The following INTU variants were observed in gnomAD, a reference collection of about 807,000 sequenced individuals.
INTU encodes inturned planar cell polarity protein.
INTU carries 68 observed loss-of-function variants against 100.5 expected under a neutral mutation model. The ratio of observed to expected loss-of-function variants is 0.68; its 90% CI spans 0.56 to 0.83. The LOEUF (loss-of-function observed/expected upper bound fraction) is 0.83. Ranked by LOEUF, INTU falls within the 40% of genes least tolerant of loss-of-function variation. The pLI is 0.00. For synonymous variants in INTU, 357 were observed against 395.7 expected (o/e 0.90, Z 1.16); for missense variants, 1,071 against 1,114.7 (o/e 0.96, Z 0.56).
Position 127,716,338 on chromosome 4 carries a change from C to A in INTU, c.2731C>A (p.His911Asn). 6.4e-7 allele frequency: 1 copy of A among 1,551,950 alleles called. No individual in the cohort carries two copies. Residue 911 changes from histidine (H) to asparagine (N), a missense_variant, in exon 16 of 16, where the codon CAT (histidine) becomes AAT (asparagine). His to Asn is a moderately conservative substitution (Grantham distance 68, BLOSUM62 1). Coordinates refer to ENST00000335251, the MANE Select transcript of INTU (RefSeq NM_015693.4). ...TTTCTTCTGCAGGAGACTTTTTCTT[C>A]ATCCAAAACCTCAAGAACTTTATGT... ...AYWVVGRLFLHPKPQELYVCF... is the reference protein window; with the variant it reads ...AYWVVGRLFLNPKPQELYVCF...
intron 8 of INTU, among the ~76,000 whole-genome samples, chr4:127,688,432 A>G (rs1729934199): frequency 1.3e-5 from 2 of 152,224 alleles, no homozygotes; most frequent in African/African-American, 4.8e-5. Context: ...AATGATTGAC[A>G]AGATTATTTC....
chr4:127,669,192 A>T (rs1728817852), intron 5 of INTU, 38 bp downstream of exon 5: 2 of 986,418 alleles, frequency 2.0e-6, no homozygotes, highest in African/African-American at 3.3e-5. Flanking sequence ...TGTTTTTTTC[A>T]AGTTCTTTTA....
chr4:127,668,234 C>T (rs945639809), intron 4 of INTU, among the ~76,000 whole-genome samples: 2 of 151,926 alleles, frequency 1.3e-5, no homozygotes, highest in Non-Finnish European at 2.9e-5. Flanking sequence ...AAAGTATTAG[C>T]ACAGCGCACA....
chr4:127,663,505 T>A lies in INTU; in HGVS notation c.893T>A (p.Ile298Asn). The change falls in exon 4 of 16, where the codon ATC becomes AAC. Residue 298 changes from isoleucine to asparagine, a missense_variant. Coordinates refer to ENST00000335251, the MANE Select transcript of INTU (RefSeq NM_015693.4). ...CTCTGGGGAGAAGAGGTTGAAGGTATCCAGCAGAGTGGCCTAAACACTCCT... is the reference window on the plus strand; with the variant it reads ...CTCTGGGGAGAAGAGGTTGAAGGTAACCAGCAGAGTGGCCTAAACACTCCT... Reference protein sequence around the residue: ...KLLWGEEVEGIQQSGLNTPHI... With the variant: ...KLLWGEEVEGNQQSGLNTPHI... 1 of 1,613,552 alleles carries A rather than the reference T, an allele frequency of 6.2e-7. No individual in the cohort carries two copies. The highest frequency in any genetic ancestry group is 8.5e-7 in the Non-Finnish European group (1 of 1,179,614).
rs144662502 is a variant in INTU, at chr4:127,656,041, T to C, written c.683-595T>C. 2.0e-3 allele frequency among the ~76,000 whole-genome samples: 303 copies of C among 152,362 alleles called. 1 individual carries two copies. The highest frequency in any genetic ancestry group is 7.0e-3 in the African/African-American group (292 of 41,592). ...TCGGAAAGGGAACTCCCTGACCCCT[T>C]GCGCTTCCCAAGTGAGGCAATGCCT... On this transcript the variant is annotated intron_variant, in intron 2 of 15. Coordinates refer to ENST00000335251, the MANE Select transcript of INTU (RefSeq NM_015693.4).
chr4:127,695,249 G>A (rs899452812), intron 8 of INTU, among the ~76,000 whole-genome samples: 13 of 152,076 alleles, frequency 8.5e-5, no homozygotes, highest in African/African-American at 2.9e-4. Context: ...GAGTGCTAAG[G>A]TACATGGTAT....
At chr4:127,674,248 C>T (rs762521624) in intron 6 of INTU, 35 bp downstream of exon 6, 14 of 1,429,602 alleles carry the variant, frequency 9.8e-6, no homozygotes, top group Non-Finnish European at 1.2e-5. Flanking sequence ...AAAATCATTT[C>T]CAAATAATGT....
chr4:127,723,158 C>T lies in INTU; in HGVS notation c.*6722C>T, dbSNP rs1224042908. On this transcript the variant is annotated 3_prime_UTR_variant, in exon 16 of 16. Transcript: ENST00000335251. ...GGAAGCAAAATCCTTCACCATCTCC[C>T]TTGGCTGGACGAGGGAGTTCACTTT... 1.3e-5 allele frequency: 2 copies of T among 152,204 alleles called. No homozygotes were observed. Among genetic ancestry groups the T allele is most frequent in the African/African-American group, 4.8e-5 (2 of 41,434 alleles). 9.4% of individuals were successfully genotyped at this position (152,204 alleles called of 1,614,324 possible).
chr4:127,641,589 C>G (rs769996624), intron 1 of INTU, among the ~76,000 whole-genome samples: 3 of 152,116 alleles, frequency 2.0e-5, no homozygotes, highest in Non-Finnish European at 4.4e-5. Flanking sequence ...CTGGGTGACT[C>G]TCCCGTATGG....
intron 4 of INTU, among the ~76,000 whole-genome samples, chr4:127,665,799 T>G (rs1728671298): frequency 6.6e-6 from 1 of 152,114 alleles, no homozygotes; most frequent in African/African-American, 2.4e-5. Flanking sequence ...TTGAAAGAAG[T>G]ATCATCATTT....
At chr4:127,711,157 G>T in intron 14 of INTU, 55 bp downstream of exon 14, 1 of 1,315,094 alleles carries the variant, frequency 7.6e-7, no homozygotes, top group Non-Finnish European at 1.0e-6. Context: ...AGATCTCTAA[G>T]CATTCTGTTA....
At position 127,674,121 on chromosome 4, in the gene INTU, T is replaced by C. The variant is rs764805056; in HGVS notation, c.1092-3T>C. On this transcript the variant is annotated splice_polypyrimidine_tract_variant and splice_region_variant and intron_variant, in intron 5 of 15. Coordinates refer to ENST00000335251, the MANE Select transcript of INTU (RefSeq NM_015693.4). ...ACCTTATTTTGAATATATTGTTTCTTAGTTCATCCCTCCTTTTAAATGGAA... is the reference window on the plus strand; with the variant it reads ...ACCTTATTTTGAATATATTGTTTCTCAGTTCATCCCTCCTTTTAAATGGAA... 2 of 1,592,946 alleles carry C rather than the reference T, an allele frequency of 1.3e-6. No individual in the cohort carries two copies. Among genetic ancestry groups the C allele is most frequent in the Non-Finnish European group, 8.6e-7 (1 of 1,163,730 alleles).
At chr4:127,648,458 C>T (rs931087393) in intron 2 of INTU, among the ~76,000 whole-genome samples, 1 of 152,182 alleles carries the variant, frequency 6.6e-6, no homozygotes, top group Non-Finnish European at 1.5e-5. Flanking sequence ...GATGAACCAT[C>T]TCCTCTTTTT....
intron 4 of INTU, among the ~76,000 whole-genome samples, chr4:127,664,210 C>G (rs1728598872): frequency 6.6e-6 from 1 of 151,894 alleles, no homozygotes; most frequent in Non-Finnish European, 1.5e-5. Context: ...AGCATAATAT[C>G]AGATATTTGG....
At position 127,688,305 on chromosome 4, in the gene INTU, G is replaced by A. The variant is rs539367835; in HGVS notation, c.1449+438G>A. Among the ~76,000 whole-genome samples, 30 of 152,122 alleles carry A rather than the reference G, an allele frequency of 2.0e-4. No individual in the cohort carries two copies. The South Asian group carries it at 5.2e-3, about 26-fold the overall frequency. On this transcript the variant is annotated intron_variant, in intron 8 of 15. Transcript: ENST00000335251. ...AAAATCTTTTTTTACATGAACATAT[G>A]TGATTAGCTTTTGGCTTGTCCCATG...
At chr4:127,712,233 T>C (rs982243984) in intron 14 of INTU, among the ~76,000 whole-genome samples, 1 of 152,182 alleles carries the variant, frequency 6.6e-6, no homozygotes, top group African/African-American at 2.4e-5. Flanking sequence ...ACATCATCTC[T>C]CCAGGTTCAT....
At chr4:127,650,675 A>C (rs1323749139) in intron 2 of INTU, among the ~76,000 whole-genome samples, 2 of 151,842 alleles carry the variant, frequency 1.3e-5, no homozygotes, top group Non-Finnish European at 2.9e-5. Context: ...ATGCCGCAAT[A>C]AACATACGTG....
rs927397629 is a variant in INTU, at chr4:127,674,321, A to G, written c.1181+108A>G. The G allele has an allele frequency of 3.8e-5, 32 of 848,002 alleles. No homozygotes were observed. In the East Asian group the frequency reaches 7.4e-4, roughly 20 times the overall value. The allele number at this position is 848,002 out of a possible 1,614,324, so 52.5% of individuals were successfully genotyped here. A position where few individuals can be genotyped will look rare whatever the true frequency, so the allele number is the denominator to read the frequency against. On this transcript the variant is annotated intron_variant, in intron 6 of 15. Coordinates refer to ENST00000335251, the MANE Select transcript of INTU (RefSeq NM_015693.4). ...AAAGACAAACTCCTTGAACAGTTTT[A>G]CAGTTTAAAGATCTATTGCACTAGT...
chr4:127,702,168 T>C (rs1271901185), intron 9 of INTU, among the ~76,000 whole-genome samples: 1 of 151,828 alleles, frequency 6.6e-6, no homozygotes, highest in Admixed American at 6.6e-5. Flanking sequence ...TAAAAAATAA[T>C]CTATTTTGAT....
Sources: allele counts gnomAD v4.1 joint callset (sites outside exome capture counted in the v4.1 genomes callset), GRCh38; gene constraint gnomAD v4.1.1; transcripts MANE v1.5; gene names NCBI Gene and HGNC (gene_info 2026-07-23, HGNC 2026-07-21).